Variants in SYT1 observed in about 807,000 individuals in gnomAD.
SYT1 encodes synaptotagmin-1.
In SYT1, 8 loss-of-function variants were observed where a neutral mutation model predicts 44.8. That is an observed-to-expected ratio of 0.18 (90% CI 0.10 to 0.32). SYT1 has a LOEUF of 0.32. SYT1 is among the 10% of genes least tolerant of loss of function. The probability of loss-of-function intolerance (pLI) is 1.00; values close to 1 mark genes in which losing one functional copy is unlikely to be tolerated. For synonymous variants in SYT1, 154 were observed against 188.8 expected (o/e 0.82, Z 1.51); for missense variants, 286 against 509.3 (o/e 0.56, Z 4.22).
At position 78,921,289 on chromosome 12, in the gene SYT1, G is replaced by T. The variant is rs146124323; in HGVS notation, c.-217+56180G>T. Among the ~76,000 whole-genome samples, 287 of 151,962 alleles carry T rather than the reference G, an allele frequency of 1.9e-3. 2 individuals are homozygous for T. Among genetic ancestry groups the T allele is most frequent in the Admixed American group, 0.012 (185 of 15,200 alleles). On this transcript the variant is annotated intron_variant, in intron 1 of 10. Coordinates refer to ENST00000261205, the MANE Select transcript of SYT1 (RefSeq NM_005639.3). ...CTTCCTCACTTTACGACTATAACAG[G>T]TTATCTATTGCTTCATCTAATCCAT...
At chr12:79,012,325 A>G (rs951452850) in intron 2 of SYT1, among the ~76,000 whole-genome samples, 3 of 152,136 alleles carry the variant, frequency 2.0e-5, no homozygotes, top group Non-Finnish European at 2.9e-5. Flanking sequence ...TTTCACCACC[A>G]TATTATCTAT....
At chr12:79,339,263 T>G (rs1330295776) in intron 8 of SYT1, among the ~76,000 whole-genome samples, 3 of 152,206 alleles carry the variant, frequency 2.0e-5, no homozygotes, top group Non-Finnish European at 4.4e-5. Flanking sequence ...CCACAATGGT[T>G]GAACTAATTT....
At chr12:79,051,657 G>A in intron 3 of SYT1, among the ~76,000 whole-genome samples, 1 of 151,936 alleles carries the variant, frequency 6.6e-6, no homozygotes, top group Non-Finnish European at 1.5e-5. Flanking sequence ...TTATCTCAAT[G>A]AGTCTCCCTT....
intron 2 of SYT1, among the ~76,000 whole-genome samples, chr12:79,017,002 T>C (rs1032640987): frequency 6.6e-6 from 1 of 152,126 alleles, no homozygotes; most frequent in African/African-American, 2.4e-5. Flanking sequence ...TTATTGTGTT[T>C]ACACAAATTT....
intron 3 of SYT1, among the ~76,000 whole-genome samples, chr12:79,177,035 C>CTT (rs5799413): frequency 0.64 from 90,324 of 141,116 alleles, 28,318 homozygotes; most frequent in Admixed American, 0.7. Context: ...AAGCATATTT[C>CTT]TTTTTTTTTT....
intron 9 of SYT1, among the ~76,000 whole-genome samples, chr12:79,404,171 T>C (rs1204378370): frequency 1.3e-5 from 2 of 152,078 alleles, no homozygotes; most frequent in Admixed American, 6.6e-5. Flanking sequence ...AAAGCTAATA[T>C]ATCAAATACC....
At chr12:79,165,295 CT>C (rs1871165922) in intron 3 of SYT1, among the ~76,000 whole-genome samples, 1 of 151,776 alleles carries the variant, frequency 6.6e-6, no homozygotes. Flanking sequence ...AATTACATAG[CT>C]TATGTGGTAT....
At chr12:79,438,306 T>C (rs1431765094) in intron 9 of SYT1, among the ~76,000 whole-genome samples, 1 of 152,136 alleles carries the variant, frequency 6.6e-6, no homozygotes, top group Non-Finnish European at 1.5e-5. Flanking sequence ...CAGGATATAC[T>C]GATGGAGGCA....
chr12:79,349,017 AAG>A (rs1565919783), intron 8 of SYT1, among the ~76,000 whole-genome samples: 4 of 138,752 alleles, frequency 2.9e-5, no homozygotes, highest in Non-Finnish European at 6.1e-5. Flanking sequence ...GAAAGAAAGA[AAG>A]AAAGAAAGAA....
At chr12:79,285,158 C>A (rs1189022871) in intron 4 of SYT1, among the ~76,000 whole-genome samples, 1 of 152,168 alleles carries the variant, frequency 6.6e-6, no homozygotes, top group Non-Finnish European at 1.5e-5. Context: ...TCACCAAGTA[C>A]TTTTAATTAA....
At chr12:78,904,576 A>C (rs1160598902) in intron 1 of SYT1, among the ~76,000 whole-genome samples, 1 of 152,142 alleles carries the variant, frequency 6.6e-6, no homozygotes, top group Admixed American at 6.6e-5. Context: ...AAACACAGAA[A>C]AACTATCTTT....
intron 1 of SYT1, among the ~76,000 whole-genome samples, chr12:78,869,155 G>A (rs905443770): frequency 6.6e-6 from 1 of 151,558 alleles, no homozygotes; most frequent in Non-Finnish European, 1.5e-5. Context: ...TTGCAAACTT[G>A]ACTTAAACTT....
chr12:79,375,798 T>C (rs940770037), intron 9 of SYT1, among the ~76,000 whole-genome samples: 1 of 152,028 alleles, frequency 6.6e-6, no homozygotes, highest in Non-Finnish European at 1.5e-5. Flanking sequence ...TCATCATCCA[T>C]ATAAACCAGG....
Position 79,181,504 on chromosome 12 carries a change from C to G in SYT1, c.-17-35999C>G, listed in dbSNP as rs751061664. 2.0e-5 allele frequency among the ~76,000 whole-genome samples: 3 copies of G among 152,026 alleles called. No homozygotes were observed. The South Asian group carries it at 6.2e-4, about 31-fold the overall frequency. On this transcript the variant is annotated intron_variant, in intron 3 of 10. Coordinates refer to ENST00000261205, the MANE Select transcript of SYT1 (RefSeq NM_005639.3). ...CTTTCTACTCAAAATACAATCTTCTCTCCCTTTTTTTTCTTCCAGGGCCCC... is the reference window on the plus strand; with the variant it reads ...CTTTCTACTCAAAATACAATCTTCTGTCCCTTTTTTTTCTTCCAGGGCCCC...
chr12:79,443,611 T>C (rs1225058532), intron 9 of SYT1, among the ~76,000 whole-genome samples: 1 of 152,222 alleles, frequency 6.6e-6, no homozygotes, highest in Non-Finnish European at 1.5e-5. Context: ...ATGAATGAAA[T>C]GGCTCCTTTG....
intron 2 of SYT1, among the ~76,000 whole-genome samples, chr12:78,980,223 T>A (rs1869148096): frequency 6.6e-6 from 1 of 152,166 alleles, no homozygotes; most frequent in Admixed American, 6.6e-5. Context: ...AAAGACGGAA[T>A]GTCGTGATTA....
intron 9 of SYT1, among the ~76,000 whole-genome samples, chr12:79,418,347 T>C (rs1052445409): frequency 6.6e-6 from 1 of 152,202 alleles, no homozygotes; most frequent in Non-Finnish European, 1.5e-5. Context: ...ACTAACTTTT[T>C]AGCTCTCAAA....
intron 3 of SYT1, among the ~76,000 whole-genome samples, chr12:79,085,880 T>C (rs1431554373): frequency 6.6e-6 from 1 of 152,116 alleles, no homozygotes; most frequent in African/African-American, 2.4e-5. Flanking sequence ...AGAAGCACTT[T>C]GGAACAACTC....
intron 3 of SYT1, among the ~76,000 whole-genome samples, chr12:79,186,960 T>C (rs1872837566): frequency 6.6e-6 from 1 of 152,106 alleles, no homozygotes; most frequent in Admixed American, 6.6e-5. Flanking sequence ...TCTAATCTGG[T>C]ATTATTTATA....
Sources: allele counts gnomAD v4.1 joint callset (sites outside exome capture counted in the v4.1 genomes callset), GRCh38; gene constraint gnomAD v4.1.1; transcripts MANE v1.5; gene names NCBI Gene and HGNC (gene_info 2026-07-23, HGNC 2026-07-21).